Variants in AK5 observed in about 807,000 individuals in gnomAD.
AK5 encodes the protein adenylate kinase 5.
A neutral mutation model predicts 69.5 loss-of-function variants in AK5; 27 were observed. That is an observed-to-expected ratio of 0.39 (90% CI 0.29 to 0.54). The LOEUF (loss-of-function observed/expected upper bound fraction) is 0.54, where lower values mean the gene tolerates loss of function less well. AK5 is among the 20% of genes least tolerant of loss of function. The pLI is 0.71. For synonymous variants in AK5, 260 were observed against 244.4 expected, an observed-to-expected ratio of 1.06 and a Z score of -0.60; for missense variants, 531 against 700.4, an observed-to-expected ratio of 0.76 and a Z score of 2.73.
chr1:77,476,958 A>G (rs35254623), intron 8 of AK5, among the ~76,000 whole-genome samples: 24,418 of 150,514 alleles, frequency 0.16, 2,179 homozygotes, highest in Admixed American at 0.21. Flanking sequence ...ATTTTCAGGT[A>G]AAAAGATGAG....
At chr1:77,447,025 GT>G (rs1053613543) in intron 8 of AK5, among the ~76,000 whole-genome samples, 1 of 152,214 alleles carries the variant, frequency 6.6e-6, no homozygotes, top group African/African-American at 2.4e-5. Context: ...AAAGTCATTG[GT>G]GGTCTACTGC....
At chr1:77,485,399 G>A (rs1003314253) in intron 9 of AK5, among the ~76,000 whole-genome samples, 4 of 152,192 alleles carry the variant, frequency 2.6e-5, no homozygotes, top group South Asian at 4.1e-4. Flanking sequence ...ATGTGGTATC[G>A]TGCATATAAA....
chr1:77,374,159 T>G (rs1179076247), intron 6 of AK5, among the ~76,000 whole-genome samples: 2 of 152,196 alleles, frequency 1.3e-5, no homozygotes, highest in East Asian at 3.9e-4. Flanking sequence ...ACCAAAAACA[T>G]AGAATTAAGT....
At position 77,557,834 on chromosome 1, in the gene AK5, CAT is replaced by C. The variant is rs1660199844; in HGVS notation, c.1621-766_1621-765del. ...GTCTTAGCTTCACTGCAGAATTGGG[CAT>C]AGAGTTCCCATATACTAGTTACACT... On this transcript the variant is annotated intron_variant, in intron 13 of 13. Coordinates refer to ENST00000354567, the MANE Select transcript of AK5 (RefSeq NM_174858.3). Among the ~76,000 whole-genome samples the C allele has an allele frequency of 9.8e-5, 15 of 152,296 alleles. 1 individual carries two copies. In the South Asian group the frequency reaches 2.9e-3, roughly 29 times the overall value.
At chr1:77,549,416 A>G (rs551879949) in intron 13 of AK5, among the ~76,000 whole-genome samples, 6 of 152,252 alleles carry the variant, frequency 3.9e-5, no homozygotes, top group South Asian at 2.1e-4. Context: ...TGAGGTATCT[A>G]TCACCTCAAG....
At chr1:77,500,097 C>G (rs1385721036) in intron 10 of AK5, among the ~76,000 whole-genome samples, 3 of 151,898 alleles carry the variant, frequency 2.0e-5, no homozygotes, top group Admixed American at 1.3e-4. Flanking sequence ...TAATAACCAT[C>G]TCAGAGCCAT....
At chr1:77,307,633 G>T (rs984078057) in intron 5 of AK5, among the ~76,000 whole-genome samples, 1 of 152,128 alleles carries the variant, frequency 6.6e-6, no homozygotes, top group African/African-American at 2.4e-5. Context: ...TGGTCCATAG[G>T]TGCAGATTAA....
At chr1:77,313,144 T>C (rs1458280953) in intron 5 of AK5, among the ~76,000 whole-genome samples, 1 of 152,160 alleles carries the variant, frequency 6.6e-6, no homozygotes, top group African/African-American at 2.4e-5. Flanking sequence ...GTTTCTACAA[T>C]AGTATTTATA....
chr1:77,379,400 A>C (rs10873935), intron 6 of AK5, among the ~76,000 whole-genome samples: 11,509 of 152,200 alleles, frequency 0.076, 514 homozygotes, highest in East Asian at 0.17. Context: ...TGACAGCAGA[A>C]TTATTTATCC....
At chr1:77,504,443 T>TA (rs66716942) in intron 10 of AK5, among the ~76,000 whole-genome samples, 25,301 of 130,896 alleles carry the variant, frequency 0.19, 2,372 homozygotes, top group Non-Finnish European at 0.21. Context: ...ATATATATAT[T>TA]TTTTTTAATA....
intron 5 of AK5, among the ~76,000 whole-genome samples, chr1:77,317,283 T>C (rs894661402): frequency 1.3e-5 from 2 of 152,160 alleles, no homozygotes; most frequent in African/African-American, 4.8e-5. Context: ...AGGCATTAAC[T>C]TGAGAGAGCC....
chr1:77,513,544 C>A (rs1250125973), intron 10 of AK5, among the ~76,000 whole-genome samples: 1 of 152,182 alleles, frequency 6.6e-6, no homozygotes, highest in African/African-American at 2.4e-5. Flanking sequence ...AAAATGTCAA[C>A]AAAAGTCATT....
At position 77,506,726 on chromosome 1, in the gene AK5, C is replaced by T. The variant is rs190225306; in HGVS notation, c.1148-11838C>T. ...TATTCATTGTTAATGGGGCCGGGCA[C>T]GGTGGCTCACACCTGTAATCCTAGC... On this transcript the variant is annotated intron_variant, in intron 10 of 13. Transcript: ENST00000354567. Among the ~76,000 whole-genome samples the T allele has an allele frequency of 3.2e-3, 492 of 152,164 alleles. 5 individuals are homozygous for T. The highest frequency in any genetic ancestry group is 0.011 in the African/African-American group (459 of 41,516).
chr1:77,427,297 T>C (rs916961128), intron 8 of AK5, among the ~76,000 whole-genome samples: 1 of 151,910 alleles, frequency 6.6e-6, no homozygotes, highest in South Asian at 2.1e-4. Context: ...CAAATTATTA[T>C]CAGAAATAGA....
In AK5 at chr1:77,536,096, A is replaced by G; in HGVS notation, c.1620+58A>G. On this transcript the variant is annotated intron_variant, in intron 13 of 13. Transcript: ENST00000354567. ...CCGCTTACCTTTTTTTTTTTTTTCCAAGAAAAGAGAAAAAGCTGAGAACAT... is the reference window on the plus strand; with the variant it reads ...CCGCTTACCTTTTTTTTTTTTTTCCGAGAAAAGAGAAAAAGCTGAGAACAT... 4.2e-6 allele frequency: 6 copies of G among 1,442,426 alleles called. No individual in the cohort carries two copies. The East Asian group carries it at 1.4e-4, about 34-fold the overall frequency. The allele number at this position is 1,442,426 out of a possible 1,614,324, so 89.4% of individuals were successfully genotyped here. A position where few individuals can be genotyped will look rare whatever the true frequency, so the allele number is the denominator to read the frequency against.
intron 8 of AK5, among the ~76,000 whole-genome samples, chr1:77,440,637 G>A (rs1307504680): frequency 2.0e-5 from 3 of 151,946 alleles, no homozygotes; most frequent in Non-Finnish European, 4.4e-5. Context: ...TTCACTTAAT[G>A]GTGTCCCATA....
intron 10 of AK5, among the ~76,000 whole-genome samples, chr1:77,498,172 T>C (rs1237573329): frequency 1.3e-5 from 2 of 152,012 alleles, no homozygotes; most frequent in Middle Eastern, 6.8e-3. Context: ...GGGAGGAAAA[T>C]TTTCTTCTGG....
At chr1:77,317,823 T>C (rs1660319350) in intron 5 of AK5, among the ~76,000 whole-genome samples, 1 of 152,256 alleles carries the variant, frequency 6.6e-6, no homozygotes, top group African/African-American at 2.4e-5. Flanking sequence ...AAATGTGTAT[T>C]GTCCAGTCTC....
At chr1:77,298,729 G>A (rs1264784217) in intron 5 of AK5, among the ~76,000 whole-genome samples, 1 of 151,876 alleles carries the variant, frequency 6.6e-6, no homozygotes, top group East Asian at 1.9e-4. Flanking sequence ...GAGGCTAAGA[G>A]AGACTGAGAG....
Sources: gnomAD v4.1 joint callset for allele counts (sites outside exome capture counted in the v4.1 genomes callset) on GRCh38, gnomAD v4.1.1 for gene constraint, MANE v1.5 for transcripts, NCBI Gene and HGNC (gene_info 2026-07-23, HGNC 2026-07-21) for gene names.